The following RHOBTB2 variants were observed in gnomAD, a reference collection of about 807,000 sequenced individuals.
The protein encoded by RHOBTB2 is Rho related BTB domain containing 2.
RHOBTB2 carries 39 observed loss-of-function variants against 66.5 expected under a neutral mutation model. The ratio of observed to expected loss-of-function variants is 0.59; its 90% confidence interval spans 0.45 to 0.77. RHOBTB2 has a LOEUF of 0.77. RHOBTB2 is among the 30% of genes least tolerant of loss of function. RHOBTB2 has a pLI of 0.00. For missense variants in RHOBTB2, 755 were observed against 999.1 expected, an observed-to-expected ratio of 0.76 and a Z score of 3.29; for synonymous variants, 390 against 395.0, an observed-to-expected ratio of 0.99 and a Z score of 0.15.
At chr8:23,010,113 C>T (rs1211166602) in intron 6 of RHOBTB2, among the ~76,000 whole-genome samples, 4 of 152,080 alleles carry the variant, frequency 2.6e-5, no homozygotes, top group South Asian at 2.1e-4. Flanking sequence ...CGAGCAAGAG[C>T]GGCTTCCAAA....
chr8:23,005,278 GC>G, intron 2 of RHOBTB2, 93 bp from the exon 3 acceptor site: 3 of 881,182 alleles, frequency 3.4e-6, no homozygotes, highest in Non-Finnish European at 3.8e-6. Flanking sequence ...GATGTCTGGG[GC>G]CCCCAGGTGT....
the RHOBTB2 span, among the ~76,000 whole-genome samples, chr8:22,954,971 A>C: frequency 6.6e-6 from 1 of 152,148 alleles, no homozygotes; most frequent in South Asian, 2.1e-4. Flanking sequence ...GTCTTACTAA[A>C]AATACAAAAA....
the RHOBTB2 span, among the ~76,000 whole-genome samples, chr8:22,963,299 T>G: frequency 6.6e-6 from 1 of 152,262 alleles, no homozygotes; most frequent in East Asian, 1.9e-4. Context: ...TAAAAGTAAG[T>G]TTTCTCTCAT....
In RHOBTB2 at chr8:23,007,568, C is replaced by T. The variant is rs143424949; in HGVS notation, c.1323C>T (p.Asn441=). The T allele has an allele frequency of 8.2e-4, 1,324 of 1,614,020 alleles. 2 individuals are homozygous for T. The highest frequency in any genetic ancestry group is 1.0e-3 in the Non-Finnish European group (1,206 of 1,180,008). Residue 441 remains asparagine, a synonymous_variant, in exon 5 of 10, where the codon AAC becomes AAT. Coordinates refer to ENST00000251822, the MANE Select transcript of RHOBTB2 (RefSeq NM_015178.3). ...TGTACACGGGGGAGCTAGATGAGAA[C>T]GAGCGTGACCTCATGCACATTGCCC... ...KYLYTGELDE[N]ERDLMHIAHI...
the RHOBTB2 span, among the ~76,000 whole-genome samples, chr8:22,976,793 G>GTT: frequency 4.8e-5 from 7 of 146,190 alleles, no homozygotes; most frequent in East Asian, 2.0e-4. Context: ...CCCCAGATAG[G>GTT]TTTTTTTTTT....
At chr8:22,974,560 G>A in the RHOBTB2 span, among the ~76,000 whole-genome samples, 1 of 152,312 alleles carries the variant, frequency 6.6e-6, no homozygotes, top group East Asian at 1.9e-4. Context: ...CCAGCTAAAA[G>A]ATTAGACCTT....
chr8:22,999,496 G>GC (rs896899931), upstream of RHOBTB2: 90 of 593,144 alleles, frequency 1.5e-4, no homozygotes, highest in Non-Finnish European at 1.1e-4. Context: ...TCCCCCGCCC[G>GC]CCCCCTCCCC....
Position 23,006,207 on chromosome 8 carries a change from C to G in RHOBTB2, c.482+62C>G. On this transcript the variant is annotated intron_variant, in intron 4 of 9. Coordinates refer to ENST00000251822, the MANE Select transcript of RHOBTB2 (RefSeq NM_015178.3). This position sits in a 1 kb window ranked among gnomAD's most constrained non-coding sequence, Gnocchi z 6.1. ...GGGTGCCTCACCATGGCTCCCTGCTCAGCCCTGGGGGAATTCCACTGAGCC... is the reference window on the plus strand; with the variant it reads ...GGGTGCCTCACCATGGCTCCCTGCTGAGCCCTGGGGGAATTCCACTGAGCC... The G allele has an allele frequency of 7.0e-7, 1 of 1,437,422 alleles. No individual in the cohort carries two copies. The highest frequency in any genetic ancestry group is 9.6e-7 in the Non-Finnish European group (1 of 1,043,304). The allele number at this position is 1,437,422 out of a possible 1,614,324, so 89.0% of individuals were successfully genotyped here. A position where few individuals can be genotyped will look rare whatever the true frequency, so the allele number is the denominator to read the frequency against.
the RHOBTB2 span, among the ~76,000 whole-genome samples, chr8:22,981,643 G>A: frequency 6.6e-6 from 1 of 152,190 alleles, no homozygotes; most frequent in African/African-American, 2.4e-5. Flanking sequence ...GGGCAGAGGT[G>A]GGAGGTGGGG....
At chr8:22,960,834 G>C in the RHOBTB2 span, among the ~76,000 whole-genome samples, 5 of 152,186 alleles carry the variant, frequency 3.3e-5, no homozygotes, top group African/African-American at 2.4e-5. Flanking sequence ...CTCAGGGACA[G>C]AATGTAAGCC....
At chr8:22,967,621 A>G in the RHOBTB2 span, among the ~76,000 whole-genome samples, 1 of 151,786 alleles carries the variant, frequency 6.6e-6, no homozygotes, top group East Asian at 1.9e-4. Flanking sequence ...AAAAAAAAAA[A>G]AAAAAAAGGG....
At position 22,999,685 on chromosome 8, in the gene RHOBTB2, C is replaced by G; in HGVS notation, c.-431C>G. 1.7e-6 allele frequency: 2 copies of G among 1,207,990 alleles called. No homozygotes were observed. The highest frequency in any genetic ancestry group is 3.3e-5 in the African/African-American group (2 of 59,980). 74.8% of individuals were successfully genotyped at this position (1,207,990 alleles called of 1,614,324 possible). A position where few individuals can be genotyped will look rare whatever the true frequency, so the allele number is the denominator to read the frequency against. On this transcript the variant is annotated 5_prime_UTR_variant, in exon 1 of 10. Coordinates refer to ENST00000251822, the MANE Select transcript of RHOBTB2 (RefSeq NM_015178.3). ...AGGAGGTCGCGAGCGGTACCTGGGA[C>G]TGCAGCGCCAGGCGTCTTCGCGGCA...
At chr8:22,963,506 A>G in the RHOBTB2 span, among the ~76,000 whole-genome samples, 12 of 151,480 alleles carry the variant, frequency 7.9e-5, no homozygotes, top group Admixed American at 6.6e-4. Flanking sequence ...AAGCTAGCGC[A>G]AGTGTAATAC....
chr8:22,972,465 A>ATGT, the RHOBTB2 span, among the ~76,000 whole-genome samples: 4 of 152,068 alleles, frequency 2.6e-5, no homozygotes, highest in Non-Finnish European at 5.9e-5. Flanking sequence ...GTCTGTTGTC[A>ATGT]CCACTGTCAG....
the RHOBTB2 span, among the ~76,000 whole-genome samples, chr8:22,964,063 G>C: frequency 6.6e-6 from 1 of 152,114 alleles, no homozygotes; most frequent in Non-Finnish European, 1.5e-5. Flanking sequence ...TTACAAGCGT[G>C]AGTCACCATG....
intron 2 of RHOBTB2, chr8:22,994,540 A>C: frequency 6.7e-7 from 1 of 1,483,730 alleles, no homozygotes; most frequent in South Asian, 1.2e-5. Context: ...CGCCCCATCC[A>C]CTCCTGTTCC....
At chr8:22,973,937 G>A in the RHOBTB2 span, among the ~76,000 whole-genome samples, 1 of 150,910 alleles carries the variant, frequency 6.6e-6, no homozygotes, top group Non-Finnish European at 1.5e-5. Context: ...CACCATTTGA[G>A]TCAGATGAGA....
intron 8 of RHOBTB2, among the ~76,000 whole-genome samples, chr8:23,015,059 C>CT (rs1250691750): frequency 6.6e-6 from 1 of 152,150 alleles, no homozygotes; most frequent in African/African-American, 2.4e-5. Context: ...CACATGGTTG[C>CT]TGCCTGCCTG....
At chr8:23,016,400 T>A (rs769300503) in intron 9 of RHOBTB2, among the ~76,000 whole-genome samples, 28 of 151,694 alleles carry the variant, frequency 1.8e-4, no homozygotes, top group African/African-American at 3.1e-4. Context: ...ACAACACTTT[T>A]AAAAAAAAAT....
Sources: gnomAD v4.1 joint callset for allele counts (sites outside exome capture counted in the v4.1 genomes callset) on GRCh38, gnomAD v4.1.1 for gene constraint, Gnocchi (gnomAD v3.1) non-coding constraint, MANE v1.5 for transcripts, NCBI Gene and HGNC (gene_info 2026-07-23, HGNC 2026-07-21) for gene names.